The following PDGFC variants were observed in gnomAD, a reference collection of about 807,000 sequenced individuals.
The protein encoded by PDGFC is platelet-derived growth factor C.
A neutral mutation model predicts 35.5 loss-of-function variants in PDGFC; 12 were observed. That is an observed-to-expected ratio of 0.34 (90% CI 0.22 to 0.55). The LOEUF (loss-of-function observed/expected upper bound fraction) is 0.55, where lower values mean the gene tolerates loss of function less well. Ranked by LOEUF, PDGFC falls within the 20% of genes least tolerant of loss-of-function variation. PDGFC has a pLI of 0.91. For synonymous variants in PDGFC, 159 were observed against 148.8 expected, an observed-to-expected ratio of 1.07 and a Z score of -0.50; for missense variants, 322 against 412.4, an observed-to-expected ratio of 0.78 and a Z score of 1.90.
intron 3 of PDGFC, among the ~76,000 whole-genome samples, chr4:156,776,336 A>T (rs929447364): frequency 6.6e-6 from 1 of 152,182 alleles, no homozygotes; most frequent in African/African-American, 2.4e-5. Flanking sequence ...TTTCCTGTTT[A>T]TGTCTTTTAT....
chr4:156,940,456 T>C (rs576242239), intron 1 of PDGFC, among the ~76,000 whole-genome samples: 1 of 152,164 alleles, frequency 6.6e-6, no homozygotes, highest in East Asian at 1.9e-4. Context: ...ATGCGTGAAA[T>C]TCAAAAACAA....
intron 1 of PDGFC, among the ~76,000 whole-genome samples, chr4:156,932,531 T>C (rs1731575131): frequency 6.6e-6 from 1 of 151,712 alleles, no homozygotes; most frequent in African/African-American, 2.4e-5. Flanking sequence ...ATTAAGAAAA[T>C]GTGGCACATA....
chr4:156,895,875 G>T (rs963160615), intron 1 of PDGFC, among the ~76,000 whole-genome samples: 3 of 152,116 alleles, frequency 2.0e-5, no homozygotes, highest in Non-Finnish European at 4.4e-5. Flanking sequence ...GTAGCTGAGT[G>T]TTGATTTACT....
At chr4:156,820,692 G>A (rs894765607) in intron 2 of PDGFC, among the ~76,000 whole-genome samples, 1 of 152,084 alleles carries the variant, frequency 6.6e-6, no homozygotes, top group Non-Finnish European at 1.5e-5. Context: ...GATGAACTAA[G>A]AATGACCCTT....
chr4:156,966,831 T>A (rs1244509352), intron 1 of PDGFC, among the ~76,000 whole-genome samples: 1 of 152,178 alleles, frequency 6.6e-6, no homozygotes, highest in Admixed American at 6.5e-5. Context: ...TCTAAACACC[T>A]TTCAGTGGTA....
chr4:156,869,553 A>C (rs1729929716), intron 1 of PDGFC, among the ~76,000 whole-genome samples: 1 of 152,178 alleles, frequency 6.6e-6, no homozygotes, highest in Non-Finnish European at 1.5e-5. Flanking sequence ...CCTCTTCTCT[A>C]AGAAAACCTC....
intron 3 of PDGFC, among the ~76,000 whole-genome samples, chr4:156,786,520 A>G (rs1579007673): frequency 6.6e-6 from 1 of 152,134 alleles, no homozygotes; most frequent in East Asian, 1.9e-4. Context: ...GAAGTATGTT[A>G]GGTAAATTCA....
At chr4:156,864,578 A>C (rs932760120) in intron 1 of PDGFC, among the ~76,000 whole-genome samples, 1 of 152,260 alleles carries the variant, frequency 6.6e-6, no homozygotes, top group African/African-American at 2.4e-5. Context: ...CCACAATTCC[A>C]AGATGAAAAC....
intron 1 of PDGFC, among the ~76,000 whole-genome samples, chr4:156,901,243 T>C (rs1730775444): frequency 6.6e-6 from 1 of 152,168 alleles, no homozygotes; most frequent in Non-Finnish European, 1.5e-5. Flanking sequence ...GGCTTTGATA[T>C]TGAGACACCC....
chr4:156,936,567 T>A (rs1187795383), intron 1 of PDGFC, among the ~76,000 whole-genome samples: 4 of 151,992 alleles, frequency 2.6e-5, no homozygotes, highest in Non-Finnish European at 4.4e-5. Flanking sequence ...AGATGAAGAG[T>A]GTAGGATAGA....
chr4:156,965,346 G>T (rs897571251), intron 1 of PDGFC, among the ~76,000 whole-genome samples: 2 of 152,144 alleles, frequency 1.3e-5, no homozygotes, highest in Non-Finnish European at 2.9e-5. Context: ...TACAGGAAGC[G>T]ATTCAAACAA....
intron 3 of PDGFC, among the ~76,000 whole-genome samples, chr4:156,775,265 C>T (rs1730799572): frequency 6.6e-6 from 1 of 151,860 alleles, no homozygotes; most frequent in Non-Finnish European, 1.5e-5. Flanking sequence ...CAAATTTTTG[C>T]ATATTTCAAA....
At chr4:156,870,653 G>T (rs989578488) in intron 1 of PDGFC, among the ~76,000 whole-genome samples, 1 of 151,036 alleles carries the variant, frequency 6.6e-6, no homozygotes, top group Non-Finnish European at 1.5e-5. Context: ...TATTTAATAC[G>T]AAATACAGGA....
chr4:156,915,961 T>A (rs1476967108), intron 1 of PDGFC, among the ~76,000 whole-genome samples: 1 of 152,032 alleles, frequency 6.6e-6, no homozygotes, highest in African/African-American at 2.4e-5. Flanking sequence ...AGAAAATGAA[T>A]TCCAAGTTTC....
At chr4:156,825,590 TAATAAGAAGAAGAAGAAGAAG>T (rs1364987594) in intron 2 of PDGFC, among the ~76,000 whole-genome samples, 103 of 78,352 alleles carry the variant, frequency 1.3e-3, no homozygotes, top group Middle Eastern at 6.2e-3. Context: ...ATAATAATAA[TAATAAGAAGAAGAAGAAGAAG>T]AAGAAGAAGA....
intron 1 of PDGFC, among the ~76,000 whole-genome samples, chr4:156,873,356 C>T (rs559796429): frequency 6.6e-6 from 1 of 152,140 alleles, no homozygotes; most frequent in African/African-American, 2.4e-5. Context: ...TAGTGATAGA[C>T]AATCTCCTTC....
At chr4:156,937,086 T>C (rs1348531591) in intron 1 of PDGFC, among the ~76,000 whole-genome samples, 1 of 152,092 alleles carries the variant, frequency 6.6e-6, no homozygotes, top group Non-Finnish European at 1.5e-5. Context: ...CAGATGAGTC[T>C]GAGTGAAAAA....
chr4:156,897,925 T>C (rs527296786), intron 1 of PDGFC, among the ~76,000 whole-genome samples: 9 of 152,194 alleles, frequency 5.9e-5, no homozygotes, highest in Non-Finnish European at 8.8e-5. Flanking sequence ...CTGCATGAGA[T>C]GGATGATATG....
chr4:156,966,996 A>T (rs1009439414), intron 1 of PDGFC, among the ~76,000 whole-genome samples: 1 of 152,076 alleles, frequency 6.6e-6, no homozygotes, highest in Non-Finnish European at 1.5e-5. Context: ...CAACTATTTC[A>T]AACAGCAGAG....
Sources: allele counts gnomAD v4.1 joint callset (sites outside exome capture counted in the v4.1 genomes callset), GRCh38; gene constraint gnomAD v4.1.1; transcripts MANE v1.5; gene names NCBI Gene and HGNC (gene_info 2026-07-23, HGNC 2026-07-21).